FHL5: variants seen among roughly 807,000 people sequenced by gnomAD.
FHL5 encodes the protein four and a half LIM domains 5.
A neutral mutation model predicts 32.0 loss-of-function variants in FHL5; 33 were observed. The observed-to-expected ratio is 1.03, with a 90% CI of 0.78 to 1.38. The LOEUF is 1.38. FHL5 is among the 40% of genes most tolerant of loss of function. The probability of loss-of-function intolerance (pLI) is 0.00; values close to 1 mark genes in which losing one functional copy is unlikely to be tolerated. For synonymous variants in FHL5, 114 were observed against 113.6 expected (o/e 1.00, Z -0.02); for missense variants, 336 against 343.9 (o/e 0.98, Z 0.18).
chr6:96,599,665 C>T (rs1415066606), intron 1 of FHL5, among the ~76,000 whole-genome samples: 1 of 152,072 alleles, frequency 6.6e-6, no homozygotes, highest in Non-Finnish European at 1.5e-5. Flanking sequence ...TCTAAAATCC[C>T]AATATGCAAA....
chr6:96,615,216 T>A (rs190706253), intron 5 of FHL5, among the ~76,000 whole-genome samples: 1 of 152,226 alleles, frequency 6.6e-6, no homozygotes, highest in African/African-American at 2.4e-5. Context: ...TAAAGTCATA[T>A]AGAGAAAAAG....
At position 96,567,091 on chromosome 6, in the gene FHL5, T is replaced by C. The variant is rs573224383; in HGVS notation, c.-13+3736T>C. Among the ~76,000 whole-genome samples, 4 of 152,106 alleles carry C rather than the reference T, an allele frequency of 2.6e-5. No individual in the cohort carries two copies. In the South Asian group the frequency reaches 8.3e-4, roughly 31 times the overall value. On this transcript the variant is annotated intron_variant, in intron 1 of 5. Coordinates refer to ENST00000450218, the MANE Select transcript of FHL5 (RefSeq NM_001322466.2). The stretch of plus-strand genomic sequence containing the variant: ...CCAATACCCTGAAGTATTTCCCCTA[T>C]GTTTGCTTCTAGTTGCTTCATAGAT...
chr6:96,607,477 G>A (rs1053660927), intron 4 of FHL5, among the ~76,000 whole-genome samples: 3 of 151,958 alleles, frequency 2.0e-5, no homozygotes, highest in African/African-American at 7.3e-5. Flanking sequence ...CATTTAAAGA[G>A]GCAGCAATAC....
intron 1 of FHL5, among the ~76,000 whole-genome samples, chr6:96,594,461 T>G (rs1324605135): frequency 1.3e-5 from 2 of 151,578 alleles, no homozygotes; most frequent in African/African-American, 2.4e-5. Flanking sequence ...TGAGTTACAG[T>G]TAACAAAAAT....
chr6:96,584,447 G>T (rs916614755), intron 1 of FHL5, among the ~76,000 whole-genome samples: 8 of 148,068 alleles, frequency 5.4e-5, no homozygotes, highest in Admixed American at 1.3e-4. Flanking sequence ...GTGTGTGTGT[G>T]TGTGTGTGTG....
intron 2 of FHL5, 99 bp from the exon 3 acceptor site, chr6:96,604,651 C>A: frequency 1.2e-6 from 1 of 844,484 alleles, no homozygotes; most frequent in Admixed American, 2.9e-5. Context: ...CTAGCACAAC[C>A]TACTGACATG....
chr6:96,563,936 C>T (rs543220591), intron 1 of FHL5, among the ~76,000 whole-genome samples: 1 of 152,084 alleles, frequency 6.6e-6, no homozygotes, highest in South Asian at 2.1e-4. Flanking sequence ...TGTTTCCAGC[C>T]CACAGAAATA....
intron 1 of FHL5, among the ~76,000 whole-genome samples, chr6:96,590,007 C>A (rs1429244073): frequency 6.6e-6 from 1 of 152,106 alleles, no homozygotes; most frequent in East Asian, 1.9e-4. Context: ...GCTCTCTATT[C>A]TGTTCTGGTG....
At chr6:96,594,272 TA>T (rs1770990292) in intron 1 of FHL5, among the ~76,000 whole-genome samples, 2 of 129,110 alleles carry the variant, frequency 1.5e-5, no homozygotes, top group African/African-American at 3.0e-5. Context: ...TATATATATA[TA>T]TGTATGTATG....
intron 1 of FHL5, among the ~76,000 whole-genome samples, chr6:96,568,954 T>G (rs1384544737): frequency 6.6e-6 from 1 of 151,818 alleles, no homozygotes; most frequent in Non-Finnish European, 1.5e-5. Context: ...TTAATTTTAT[T>G]TATGTATGCT....
At chr6:96,580,371 A>G (rs1171178861) in intron 1 of FHL5, among the ~76,000 whole-genome samples, 1 of 152,222 alleles carries the variant, frequency 6.6e-6, no homozygotes, top group Non-Finnish European at 1.5e-5. Context: ...CAATGAGTTT[A>G]CAATTCAGTT....
At chr6:96,562,747 C>T (rs1261807061), upstream of FHL5, 2 of 152,032 alleles carry the variant, frequency 1.3e-5, no homozygotes, top group Non-Finnish European at 2.9e-5. Flanking sequence ...TCATCCCTTT[C>T]CAGATGGCCT....
At chr6:96,567,855 T>C (rs1231023388) in intron 1 of FHL5, among the ~76,000 whole-genome samples, 2 of 129,862 alleles carry the variant, frequency 1.5e-5, no homozygotes, top group Non-Finnish European at 3.3e-5. Flanking sequence ...ATCCTCCAAC[T>C]TTACTGAATC....
chr6:96,588,978 C>T (rs1770859361), intron 1 of FHL5, among the ~76,000 whole-genome samples: 1 of 151,866 alleles, frequency 6.6e-6, no homozygotes, highest in Admixed American at 6.6e-5. Flanking sequence ...TAGAAATTTA[C>T]TTCCATATTT....
At chr6:96,612,512 G>T (rs1243188658) in intron 5 of FHL5, among the ~76,000 whole-genome samples, 2 of 152,132 alleles carry the variant, frequency 1.3e-5, no homozygotes, top group African/African-American at 2.4e-5. Flanking sequence ...GTATATCACA[G>T]ATTCATGTGC....
intron 5 of FHL5, among the ~76,000 whole-genome samples, chr6:96,613,874 C>A (rs186892016): frequency 6.6e-6 from 1 of 152,124 alleles, no homozygotes; most frequent in Non-Finnish European, 1.5e-5. Context: ...GGGCTGTATA[C>A]GGTAACACAC....
chr6:96,572,567 T>C (rs1449596287), intron 1 of FHL5, among the ~76,000 whole-genome samples: 2 of 152,300 alleles, frequency 1.3e-5, no homozygotes, highest in East Asian at 3.9e-4. Context: ...TCAGTCTAGC[T>C]GTAGTTCCTG....
intron 1 of FHL5, among the ~76,000 whole-genome samples, chr6:96,569,093 C>A (rs938280169): frequency 2.0e-5 from 3 of 151,798 alleles, no homozygotes; most frequent in African/African-American, 7.2e-5. Flanking sequence ...TGCACACTTA[C>A]CTTCTAATAC....
At chr6:96,595,464 A>G (rs1170078263) in intron 1 of FHL5, among the ~76,000 whole-genome samples, 1 of 151,548 alleles carries the variant, frequency 6.6e-6, no homozygotes, top group Non-Finnish European at 1.5e-5. Context: ...TACTTTCTGC[A>G]TCTGTATATT....
Sources: gnomAD v4.1 joint callset for allele counts (sites outside exome capture counted in the v4.1 genomes callset) on GRCh38, gnomAD v4.1.1 for gene constraint, MANE v1.5 for transcripts, NCBI Gene and HGNC (gene_info 2026-07-23, HGNC 2026-07-21) for gene names.